Variants in STX18 observed in about 807,000 individuals in gnomAD.
STX18 encodes syntaxin-18.
STX18 carries 40 observed loss-of-function variants against 50.1 expected under a neutral mutation model. The ratio of observed to expected loss-of-function variants is 0.80; its 90% CI spans 0.62 to 1.04. STX18 has a LOEUF of 1.04. STX18 is among the 50% of genes least tolerant of loss of function. The pLI is 0.00. For missense variants in STX18, 410 were observed against 415.8 expected (o/e 0.99, Z 0.12); for synonymous variants, 158 against 151.8 (o/e 1.04, Z -0.30).
chr4:4,502,609 G>A (rs2108880532), intron 1 of STX18, among the ~76,000 whole-genome samples: 1 of 152,204 alleles, frequency 6.6e-6, no homozygotes, highest in Middle Eastern at 3.4e-3. Flanking sequence ...TGGATGCCTT[G>A]AGTTGAGGAA....
chr4:4,472,420 T>C (rs577349932), intron 1 of STX18, among the ~76,000 whole-genome samples: 2 of 152,200 alleles, frequency 1.3e-5, no homozygotes, highest in African/African-American at 4.8e-5. Flanking sequence ...AGAGGGAGAA[T>C]GATTACTAGC....
intron 1 of STX18, among the ~76,000 whole-genome samples, chr4:4,508,422 A>G (rs967785623): frequency 2.0e-5 from 3 of 152,170 alleles, no homozygotes; most frequent in African/African-American, 7.2e-5. Context: ...TGTGTTGCAC[A>G]AAGATTATAT....
intron 1 of STX18, among the ~76,000 whole-genome samples, chr4:4,484,141 T>C (rs10011910): frequency 0.035 from 5,277 of 152,220 alleles, 225 homozygotes; most frequent in African/African-American, 0.11. Context: ...GGATTACAGG[T>C]GTGAGCCACC....
chr4:4,507,408 GA>G, intron 1 of STX18: 2 of 757,878 alleles, frequency 2.6e-6, no homozygotes, highest in East Asian at 2.5e-5. Context: ...TTCCTCCACT[GA>G]AATCTTTCCA....
intron 1 of STX18, among the ~76,000 whole-genome samples, chr4:4,511,486 A>G (rs1730001481): frequency 6.6e-6 from 1 of 152,202 alleles, no homozygotes; most frequent in Non-Finnish European, 1.5e-5. Flanking sequence ...TTTTGATGCA[A>G]TCCTAGTAGC....
rs751474159 is a variant in STX18 at position 4,541,952 on chromosome 4, T to C, written c.13A>G (p.Ile5Val). MAVD[I>V]TLLFRASVKT... ...ACGCTGGCCCGGAATAGCAGCGTGATGTCCACCGCCATAGCGACCCGCACC... is the reference window on the plus strand; with the variant it reads ...ACGCTGGCCCGGAATAGCAGCGTGACGTCCACCGCCATAGCGACCCGCACC... Residue 5 changes from isoleucine to valine, a missense_variant, in exon 1 of 11, where the codon ATC (isoleucine) becomes GTC (valine). Transcript: ENST00000306200. 20 of 1,604,984 alleles carry C rather than the reference T, an allele frequency of 1.2e-5. No individual in the cohort carries two copies. Among genetic ancestry groups the C allele is most frequent in the South Asian group, 4.4e-5 (4 of 90,018 alleles).
rs34563523 is a variant in STX18, at chr4:4,489,391, A to ATTTTTTTTTTTTTTTTTTTTTTTT, written c.169-17709_169-17686dup. On this transcript the variant is annotated intron_variant, in intron 1 of 10. Coordinates refer to ENST00000306200, the MANE Select transcript of STX18 (RefSeq NM_016930.4). Reference sequence around the variant, plus strand: ...AGCACTTCAATACACATGCAAAATAATTTTTTTTTTTTTTTTTTTTTTTTT... The same window carrying ATTTTTTTTTTTTTTTTTTTTTTTT: ...AGCACTTCAATACACATGCAAAATAATTTTTTTTTTTTTTTTTTTTTTTTTTTTTTTTTTTTTTTTTTTTTTTTT... Among the ~76,000 whole-genome samples, 6 of 51,676 alleles carry ATTTTTTTTTTTTTTTTTTTTTTTT rather than the reference A, an allele frequency of 1.2e-4. 3 individuals are homozygous for ATTTTTTTTTTTTTTTTTTTTTTTT. The highest frequency in any genetic ancestry group is 6.1e-4 in the Admixed American group (2 of 3,298). 33.9% of individuals were successfully genotyped at this position (51,676 alleles called of 152,430 possible). A position where few individuals can be genotyped will look rare whatever the true frequency, so the allele number is the denominator to read the frequency against.
intron 1 of STX18, among the ~76,000 whole-genome samples, chr4:4,484,786 G>C (rs1728628775): frequency 6.6e-6 from 1 of 152,182 alleles, no homozygotes; most frequent in Non-Finnish European, 1.5e-5. Context: ...CATGGCTCAG[G>C]CTTCTGAATC....
At chr4:4,530,723 A>G (rs1469726547) in intron 1 of STX18, among the ~76,000 whole-genome samples, 1 of 152,136 alleles carries the variant, frequency 6.6e-6, no homozygotes, top group East Asian at 1.9e-4. Flanking sequence ...CTCCCACCTC[A>G]GCCTCCCGGG....
intron 1 of STX18, among the ~76,000 whole-genome samples, chr4:4,484,071 C>G (rs1728590366): frequency 6.6e-6 from 1 of 152,094 alleles, no homozygotes; most frequent in African/African-American, 2.4e-5. Context: ...ACCATGTTAG[C>G]CAGGATGGTC....
In STX18 at chr4:4,469,627, GC is replaced by G. The variant is rs1727809491; in HGVS notation, c.236+2011del. ...GAAAAGAGCCAGATGATGAAAACTG[GC>G]CAGGAATCATGAGCACAGCGGTACC... On this transcript the variant is annotated intron_variant, in intron 2 of 10. Transcript: ENST00000306200. 3.9e-5 allele frequency among the ~76,000 whole-genome samples: 6 copies of G among 152,064 alleles called. No individual in the cohort carries two copies. The South Asian group carries it at 1.2e-3, about 32-fold the overall frequency.
chr4:4,496,537 C>A (rs1729179576), intron 1 of STX18, among the ~76,000 whole-genome samples: 1 of 152,172 alleles, frequency 6.6e-6, no homozygotes, highest in Non-Finnish European at 1.5e-5. Flanking sequence ...CTTTCTAATG[C>A]AACATCCACT....
chr4:4,446,754 CT>C, intron 5 of STX18, among the ~76,000 whole-genome samples: 1 of 131,746 alleles, frequency 7.6e-6, no homozygotes, highest in African/African-American at 3.2e-5. Context: ...CTTACTAAGT[CT>C]AAGAAACATC....
chr4:4,530,038 T>C (rs573275789), intron 1 of STX18, among the ~76,000 whole-genome samples: 40 of 152,244 alleles, frequency 2.6e-4, no homozygotes, highest in African/African-American at 9.4e-4. Context: ...ACATTTAATA[T>C]AGAATTAGAT....
chr4:4,487,840 G>A (rs564287153), intron 1 of STX18, among the ~76,000 whole-genome samples: 1 of 152,222 alleles, frequency 6.6e-6, no homozygotes, highest in South Asian at 2.1e-4. Context: ...AAAATTCTAA[G>A]TCCAAAAAGA....
chr4:4,479,532 G>C (rs1728356009), intron 1 of STX18, among the ~76,000 whole-genome samples: 1 of 152,136 alleles, frequency 6.6e-6, no homozygotes, highest in South Asian at 2.1e-4. Flanking sequence ...GGATCAGCCA[G>C]GCTCTGGCTC....
chr4:4,494,507 T>C (rs867760441), intron 1 of STX18, among the ~76,000 whole-genome samples: 5 of 152,240 alleles, frequency 3.3e-5, no homozygotes, highest in Non-Finnish European at 7.3e-5. Context: ...CCATATTTCA[T>C]TGAATCTTCA....
intron 1 of STX18, among the ~76,000 whole-genome samples, chr4:4,515,505 T>C (rs1218787330): frequency 6.6e-6 from 1 of 152,148 alleles, no homozygotes; most frequent in Non-Finnish European, 1.5e-5. Flanking sequence ...GATCATAAAC[T>C]GACTTTATTA....
rs193228934 is a variant in STX18 at position 4,529,979 on chromosome 4, A to G, written c.168+11818T>C. Among the ~76,000 whole-genome samples the G allele has an allele frequency of 1.8e-3, 267 of 152,266 alleles. 1 individual carries two copies. Among genetic ancestry groups the G allele is most frequent in the African/African-American group, 5.7e-3 (237 of 41,532 alleles). On this transcript the variant is annotated intron_variant, in intron 1 of 10. Transcript: ENST00000306200. ...TTACAGGAAAATTACTCCCTTTACAAAAGATTTTACCACAGACTTCCTTTA... is the reference window on the plus strand; with the variant it reads ...TTACAGGAAAATTACTCCCTTTACAGAAGATTTTACCACAGACTTCCTTTA...
Sources: allele counts gnomAD v4.1 joint callset (sites outside exome capture counted in the v4.1 genomes callset), GRCh38; gene constraint gnomAD v4.1.1; transcripts MANE v1.5; gene names NCBI Gene and HGNC (gene_info 2026-07-23, HGNC 2026-07-21).